The following XPO7 variants were observed in gnomAD, a reference collection of about 807,000 sequenced individuals.
The protein encoded by XPO7 is exportin 7, also known as exportin-7.
A neutral mutation model predicts 144.3 loss-of-function variants in XPO7; 21 were observed. That is an observed-to-expected ratio of 0.15 (90% CI 0.10 to 0.21). The LOEUF (loss-of-function observed/expected upper bound fraction) is 0.21. XPO7 is among the 10% of genes least tolerant of loss of function. The pLI, the probability that XPO7 is intolerant of heterozygous loss-of-function variation, is 1.00. For missense variants in XPO7, 808 were observed against 1,325.8 expected, an observed-to-expected ratio of 0.61 and a Z score of 6.06; for synonymous variants, 580 against 499.6, an observed-to-expected ratio of 1.16 and a Z score of -2.15.
intron 1 of XPO7, among the ~76,000 whole-genome samples, chr8:21,940,022 C>A (rs921190483): frequency 6.6e-6 from 1 of 152,136 alleles, no homozygotes; most frequent in Non-Finnish European, 1.5e-5. Context: ...TGGAAATGTA[C>A]CTTTTCAAAT....
chr8:21,998,397 C>T (rs375470246), intron 21 of XPO7, among the ~76,000 whole-genome samples: 4 of 152,206 alleles, frequency 2.6e-5, no homozygotes, highest in South Asian at 4.2e-4. Context: ...GCCGAAATTG[C>T]GCCACCGCAC....
chr8:21,982,529 A>G, intron 10 of XPO7, 111 bp from the exon 11 acceptor site: 1 of 1,246,960 alleles, frequency 8.0e-7, no homozygotes, highest in Non-Finnish European at 1.1e-6. Flanking sequence ...ACAAAAGTCT[A>G]TCCTCTTTTT....
chr8:21,927,890 T>G (rs1433621113), intron 1 of XPO7, among the ~76,000 whole-genome samples: 2 of 152,184 alleles, frequency 1.3e-5, no homozygotes, highest in Non-Finnish European at 2.9e-5. Context: ...CCCTCAAATG[T>G]AAACAGCACT....
intron 5 of XPO7, among the ~76,000 whole-genome samples, chr8:21,974,204 T>A (rs1467250977): frequency 1.4e-5 from 2 of 145,690 alleles, no homozygotes; most frequent in African/African-American, 5.0e-5. Flanking sequence ...TTTTTTTATT[T>A]TTATTTTTTT....
chr8:21,986,072 TC>T (rs1392521197), intron 13 of XPO7, among the ~76,000 whole-genome samples: 1 of 152,058 alleles, frequency 6.6e-6, no homozygotes, highest in African/African-American at 2.4e-5. Context: ...CTACAGCCTT[TC>T]AAATCTCTTG....
intron 20 of XPO7, 66 bp downstream of exon 20, chr8:21,994,517 G>A: frequency 6.9e-7 from 1 of 1,441,460 alleles, no homozygotes; most frequent in Non-Finnish European, 9.6e-7. Flanking sequence ...GGGTGATAGG[G>A]TCCAGAGACG....
intron 5 of XPO7, among the ~76,000 whole-genome samples, chr8:21,972,724 A>G (rs1395131804): frequency 6.6e-6 from 1 of 152,198 alleles, no homozygotes. Context: ...TATCAATATT[A>G]GCTATAACAT....
At chr8:21,931,345 T>C (rs942994507) in intron 1 of XPO7, among the ~76,000 whole-genome samples, 3 of 152,050 alleles carry the variant, frequency 2.0e-5, no homozygotes, top group African/African-American at 4.8e-5. Flanking sequence ...GTCTTTTTAG[T>C]GGAGGTGGGG....
chr8:22,003,455 TC>T (rs1446065233), intron 26 of XPO7, 138 bp downstream of exon 26: 4 of 649,580 alleles, frequency 6.2e-6, no homozygotes, highest in African/African-American at 3.7e-5. Flanking sequence ...ACTGAGCAAG[TC>T]CCATTTGTGC....
At chr8:22,003,383 GCCC>G in intron 26 of XPO7, 66 bp downstream of exon 26, 1 of 1,299,618 alleles carries the variant, frequency 7.7e-7, no homozygotes, top group Non-Finnish European at 1.1e-6. Flanking sequence ...GTATCACCAA[GCCC>G]TGGGAGAAAT....
chr8:21,946,579 A>C (rs1215868644), intron 1 of XPO7, among the ~76,000 whole-genome samples: 2 of 96,294 alleles, frequency 2.1e-5, no homozygotes, highest in Non-Finnish European at 4.2e-5. Flanking sequence ...GAACTGAAAA[A>C]AAAAAACAAA....
chr8:21,999,153 G>T lies in XPO7; in HGVS notation c.2491G>T (p.Gly831Cys). 1 of 1,613,850 alleles carries T rather than the reference G, an allele frequency of 6.2e-7. No individual in the cohort carries two copies. Among genetic ancestry groups the T allele is most frequent in the Non-Finnish European group, 8.5e-7 (1 of 1,179,878 alleles). ...KDQVYALKLK[G>C]ISICFSMLKA... The stretch of plus-strand genomic sequence containing the variant: ...TCAGGTCTATGCTCTGAAGCTCAAG[G>T]GCATCTCCATCTGCTTCTCCATGCT... The change falls in exon 23 of 28, where the codon GGC becomes TGC. Residue 831 changes from glycine (G) to cysteine (C), a missense_variant. Coordinates refer to ENST00000252512, the MANE Select transcript of XPO7 (RefSeq NM_015024.5).
At chr8:21,990,756 C>T in intron 17 of XPO7, 55 bp from the exon 18 acceptor site, 1 of 1,533,624 alleles carries the variant, frequency 6.5e-7, no homozygotes, top group Non-Finnish European at 9.0e-7. Flanking sequence ...TACTGGCTTG[C>T]ATTCTGCCTC....
At chr8:21,958,989 A>G (rs1811633149) in intron 1 of XPO7, among the ~76,000 whole-genome samples, 1 of 150,632 alleles carries the variant, frequency 6.6e-6, no homozygotes, top group African/African-American at 2.4e-5. Flanking sequence ...GAGGCAAAGC[A>G]TGGCAGTGTT....
chr8:21,982,013 C>A (rs895815454), intron 10 of XPO7, 136 bp downstream of exon 10: 1 of 1,131,146 alleles, frequency 8.8e-7, no homozygotes, highest in African/African-American at 1.6e-5. Flanking sequence ...AGAGTAGTTA[C>A]TATTGTGGCC....
At position 21,974,710 on chromosome 8, in the gene XPO7, CCTCTT is replaced by C; in HGVS notation, c.536_540del (p.Ser179PhefsTer8). ...CCTTTAACCAAGCACAGAAAAATAG[CCTCTT>C]CTTTTCGCGATTCATCATTATTTGA... is the stretch of plus-strand genomic sequence containing the variant. On this transcript the variant is annotated frameshift_variant, in exon 6 of 28. Coordinates refer to ENST00000252512, the MANE Select transcript of XPO7 (RefSeq NM_015024.5). LOFTEE classifies it high-confidence loss of function. The C allele has an allele frequency of 6.3e-7, 1 of 1,594,346 alleles. No individual in the cohort carries two copies. Among genetic ancestry groups the C allele is most frequent in the Non-Finnish European group, 8.5e-7 (1 of 1,169,890 alleles).
intron 5 of XPO7, among the ~76,000 whole-genome samples, chr8:21,973,540 A>C (rs553037514): frequency 6.6e-6 from 1 of 152,346 alleles, no homozygotes; most frequent in East Asian, 1.9e-4. Context: ...TGTCAGATTC[A>C]AAAAAGAAAG....
chr8:21,927,229 A>G (rs1810486082), intron 1 of XPO7, among the ~76,000 whole-genome samples: 1 of 152,178 alleles, frequency 6.6e-6, no homozygotes, highest in South Asian at 2.1e-4. Context: ...TCTTTTAAAA[A>G]AAATTAATTA....
At chr8:21,976,203 G>T (rs1476713255) in intron 6 of XPO7, among the ~76,000 whole-genome samples, 153 bp from the exon 7 acceptor site, 1 of 152,208 alleles carries the variant, frequency 6.6e-6, no homozygotes, top group African/African-American at 2.4e-5. Flanking sequence ...ATAGTCACAG[G>T]TGATAGAAGT....
Sources: gnomAD v4.1 joint callset for allele counts (sites outside exome capture counted in the v4.1 genomes callset) on GRCh38, gnomAD v4.1.1 for gene constraint, MANE v1.5 for transcripts, NCBI Gene and HGNC (gene_info 2026-07-23, HGNC 2026-07-21) for gene names.